ARHGAP28: variants seen among roughly 807,000 people sequenced by gnomAD.
ARHGAP28 encodes rho GTPase-activating protein 28.
A neutral mutation model predicts 90.7 loss-of-function variants in ARHGAP28; 56 were observed. The ratio of observed to expected loss-of-function variants is 0.62; its 90% CI spans 0.50 to 0.77. ARHGAP28 has a LOEUF of 0.77. ARHGAP28 is among the 30% of genes least tolerant of loss of function. The probability of loss-of-function intolerance (pLI) is 0.00; values close to 1 mark genes in which losing one functional copy is unlikely to be tolerated. For synonymous variants in ARHGAP28, 308 were observed against 323.3 expected (o/e 0.95, Z 0.51); for missense variants, 869 against 900.9 (o/e 0.96, Z 0.45).
chr18:6,761,457 A>T (rs1600160213), intron 1 of ARHGAP28, among the ~76,000 whole-genome samples: 1 of 152,160 alleles, frequency 6.6e-6, no homozygotes, highest in Non-Finnish European at 1.5e-5. Flanking sequence ...CAGATCTTGG[A>T]GTCTAGCCCA....
chr18:6,756,393 A>G (rs1262599183), intron 1 of ARHGAP28, among the ~76,000 whole-genome samples: 1 of 152,188 alleles, frequency 6.6e-6, no homozygotes, highest in Non-Finnish European at 1.5e-5. Context: ...ATCAGAAAAT[A>G]TCCTTTCTAC....
At chr18:6,778,722 A>G (rs1048039401) in intron 1 of ARHGAP28, among the ~76,000 whole-genome samples, 4 of 152,350 alleles carry the variant, frequency 2.6e-5, no homozygotes, top group Admixed American at 6.5e-5. Flanking sequence ...ACTAACGAGC[A>G]TTAGTGCATC....
chr18:6,890,931 GGAATA>G (rs2143729493), intron 14 of ARHGAP28, among the ~76,000 whole-genome samples: 1 of 152,322 alleles, frequency 6.6e-6, no homozygotes, highest in South Asian at 2.1e-4. Flanking sequence ...GGTTAGTAAA[GGAATA>G]GCTAATCCTT....
At position 6,784,420 on chromosome 18, in the gene ARHGAP28, C is replaced by T. The variant is rs140426250; in HGVS notation, c.123-40342C>T. Among the ~76,000 whole-genome samples, 5 of 152,266 alleles carry T rather than the reference C, an allele frequency of 3.3e-5. No individual in the cohort carries two copies. In the East Asian group the frequency reaches 7.7e-4, roughly 24 times the overall value. On this transcript the variant is annotated intron_variant, in intron 1 of 17. Coordinates refer to ENST00000383472, the MANE Select transcript of ARHGAP28 (RefSeq NM_001366230.1). ...TACGCGTTCTGAATGTAATCGCTTTCATTTCTGGGGAAAGCCCACAACTTT... is the reference window on the plus strand; with the variant it reads ...TACGCGTTCTGAATGTAATCGCTTTTATTTCTGGGGAAAGCCCACAACTTT...
At chr18:6,776,892 A>G (rs2056288265) in intron 1 of ARHGAP28, among the ~76,000 whole-genome samples, 1 of 152,174 alleles carries the variant, frequency 6.6e-6, no homozygotes, top group Non-Finnish European at 1.5e-5. Flanking sequence ...ATCATTATGG[A>G]TGAATGTTAG....
At chr18:6,788,401 A>T (rs2056381580) in intron 1 of ARHGAP28, 2 of 151,900 alleles carry the variant, frequency 1.3e-5, no homozygotes, top group South Asian at 2.0e-4. Context: ...TCTTTTCTTT[A>T]TGTAATAAAT....
chr18:6,891,617 T>C (rs2057266073), intron 14 of ARHGAP28, among the ~76,000 whole-genome samples: 1 of 151,956 alleles, frequency 6.6e-6, no homozygotes, highest in South Asian at 2.1e-4. Context: ...AGTTGGAGTC[T>C]TGCTCTGTCA....
At chr18:6,847,326 T>C (rs1312755913) in intron 3 of ARHGAP28, among the ~76,000 whole-genome samples, 2 of 152,122 alleles carry the variant, frequency 1.3e-5, no homozygotes, top group Non-Finnish European at 2.9e-5. Context: ...TTATTTATTT[T>C]CTCTTGTACC....
At chr18:6,775,777 A>G (rs1318178271) in intron 1 of ARHGAP28, among the ~76,000 whole-genome samples, 2 of 152,178 alleles carry the variant, frequency 1.3e-5, no homozygotes, top group African/African-American at 4.8e-5. Flanking sequence ...GCTCCCATGT[A>G]TAATTACTGC....
Position 6,890,503 on chromosome 18 carries a change from G to C in ARHGAP28, c.1808G>C (p.Ser603Thr), listed in dbSNP as rs1479527835. ...ATGCTATTGAAGAAGCAGCTCCCAA[G>C]TGTCAGGAAGCTGCTCAGGAGGAAG... The part of the protein sequence containing the change: ...ATMLLKKQLP[S>T]VRKLLRRKTL... Residue 603 changes from serine (S) to threonine (T), a missense_variant, in exon 14 of 18, where the codon AGT becomes ACT. Coordinates refer to ENST00000383472, the MANE Select transcript of ARHGAP28 (RefSeq NM_001366230.1). 2 of 1,613,406 alleles carry C rather than the reference G, an allele frequency of 1.2e-6. No homozygotes were observed. The highest frequency in any genetic ancestry group is 2.2e-5 in the East Asian group (1 of 44,876).
At chr18:6,842,195 T>G (rs1218930929) in intron 3 of ARHGAP28, among the ~76,000 whole-genome samples, 1 of 151,984 alleles carries the variant, frequency 6.6e-6, no homozygotes, top group Non-Finnish European at 1.5e-5. Flanking sequence ...CAAAAAAAAT[T>G]TTTTTAAATT....
intron 5 of ARHGAP28, among the ~76,000 whole-genome samples, chr18:6,864,479 A>G (rs1031894462): frequency 1.3e-5 from 2 of 152,232 alleles, no homozygotes; most frequent in Non-Finnish European, 2.9e-5. Context: ...TTCAAATTAC[A>G]AGGTATGTTG....
chr18:6,891,722 G>C (rs1407859939), intron 14 of ARHGAP28, among the ~76,000 whole-genome samples: 1 of 152,130 alleles, frequency 6.6e-6, no homozygotes, highest in Non-Finnish European at 1.5e-5. Context: ...CCAGTAGCTA[G>C]GACTACAGAT....
chr18:6,887,429 T>TG (rs1384448446), intron 12 of ARHGAP28, among the ~76,000 whole-genome samples, 190 bp downstream of exon 12: 1 of 74,660 alleles, frequency 1.3e-5, no homozygotes, highest in African/African-American at 5.0e-5. Flanking sequence ...CTTGGTATCT[T>TG]GTTTTTTTTT....
At chr18:6,815,987 C>A (rs921207189) in intron 1 of ARHGAP28, among the ~76,000 whole-genome samples, 3 of 152,002 alleles carry the variant, frequency 2.0e-5, no homozygotes, top group Non-Finnish European at 4.4e-5. Flanking sequence ...TTTAAGCCTT[C>A]CCAATCTACA....
At chr18:6,899,841 G>T (rs935768161) in intron 16 of ARHGAP28, among the ~76,000 whole-genome samples, 3 of 152,018 alleles carry the variant, frequency 2.0e-5, no homozygotes, top group Non-Finnish European at 2.9e-5. Flanking sequence ...AGGTTCCCTG[G>T]TGCCCTTACT....
intron 11 of ARHGAP28, among the ~76,000 whole-genome samples, 154 bp from the exon 12 acceptor site, chr18:6,887,003 A>G (rs2057227055): frequency 6.6e-6 from 1 of 152,190 alleles, no homozygotes; most frequent in African/African-American, 2.4e-5. Context: ...GCTCCTGTCC[A>G]AGTGAACAAA....
intron 10 of ARHGAP28, 138 bp downstream of exon 10, chr18:6,876,346 G>A: frequency 1.7e-6 from 1 of 573,606 alleles, no homozygotes; most frequent in Non-Finnish European, 3.0e-6. Context: ...CTTGGTACCT[G>A]TGGTAAAATG....
chr18:6,827,463 G>C (rs1193923147), intron 2 of ARHGAP28, among the ~76,000 whole-genome samples: 2 of 141,472 alleles, frequency 1.4e-5, no homozygotes, highest in African/African-American at 2.6e-5. Context: ...CGGGCAGAGG[G>C]GCTCCTCACT....
Sources: allele counts gnomAD v4.1 joint callset (sites outside exome capture counted in the v4.1 genomes callset), GRCh38; gene constraint gnomAD v4.1.1; transcripts MANE v1.5; gene names NCBI Gene and HGNC (gene_info 2026-07-23, HGNC 2026-07-21).